The following SNX9 variants were observed in gnomAD, a reference collection of about 807,000 sequenced individuals.
SNX9 encodes the protein sorting nexin-9.
A neutral mutation model predicts 89.4 loss-of-function variants in SNX9; 44 were observed. The ratio of observed to expected loss-of-function variants is 0.49; its 90% CI spans 0.39 to 0.63. The LOEUF is 0.63. Ranked by LOEUF, SNX9 falls within the 30% of genes least tolerant of loss-of-function variation. The pLI, the probability that SNX9 is intolerant of heterozygous loss-of-function variation, is 0.00. For missense variants in SNX9, 578 were observed against 736.1 expected, an observed-to-expected ratio of 0.79 and a Z score of 2.49; for synonymous variants, 236 against 247.8, an observed-to-expected ratio of 0.95 and a Z score of 0.45.
intron 1 of SNX9, among the ~76,000 whole-genome samples, chr6:157,838,051 C>T (rs1375137455): frequency 6.6e-6 from 1 of 152,136 alleles, no homozygotes; most frequent in African/African-American, 2.4e-5. Context: ...GACAGAACCT[C>T]ACCCTGTTGC....
intron 10 of SNX9, among the ~76,000 whole-genome samples, chr6:157,926,780 CAAAAAAAAAAA>C (rs71027371): frequency 4.9e-5 from 3 of 60,710 alleles, no homozygotes; most frequent in East Asian, 5.3e-4. Flanking sequence ...GACTCTGTCT[CAAAAAAAAAAA>C]AAAAAAAAAA....
At chr6:157,935,288 T>G (rs550678930) in intron 13 of SNX9, among the ~76,000 whole-genome samples, 5 of 152,236 alleles carry the variant, frequency 3.3e-5, no homozygotes, top group Admixed American at 2.6e-4. Flanking sequence ...CATACTAAAA[T>G]AAAAGATCCA....
intron 4 of SNX9, among the ~76,000 whole-genome samples, chr6:157,877,798 T>TC (rs1437829772): frequency 6.6e-6 from 1 of 152,060 alleles, no homozygotes; most frequent in African/African-American, 2.4e-5. Flanking sequence ...CTCTGCCAAC[T>TC]TCTGAGCCAG....
At chr6:157,891,124 C>A (rs936287438) in intron 4 of SNX9, among the ~76,000 whole-genome samples, 4 of 150,168 alleles carry the variant, frequency 2.7e-5, no homozygotes, top group African/African-American at 4.9e-5. Context: ...CTCCGCCTTC[C>A]AGGTTCAAGC....
At chr6:157,911,277 G>T (rs1291060743) in intron 9 of SNX9, among the ~76,000 whole-genome samples, 1 of 152,154 alleles carries the variant, frequency 6.6e-6, no homozygotes, top group Admixed American at 6.5e-5. Flanking sequence ...AGCCAGAGAG[G>T]CCTGTAAGAG....
intron 1 of SNX9, among the ~76,000 whole-genome samples, chr6:157,840,592 T>C (rs962453733): frequency 2.0e-5 from 3 of 152,110 alleles, no homozygotes; most frequent in East Asian, 1.9e-4. Flanking sequence ...TGATACTGGA[T>C]TTAAGCCTTA....
chr6:157,887,459 C>G (rs1782758850), intron 4 of SNX9, among the ~76,000 whole-genome samples: 1 of 152,190 alleles, frequency 6.6e-6, no homozygotes, highest in African/African-American at 2.4e-5. Context: ...AGAGCTCTCT[C>G]TCTGCGTCTC....
At chr6:157,866,918 CTGT>C (rs1010338640) in intron 1 of SNX9, among the ~76,000 whole-genome samples, 3 of 152,020 alleles carry the variant, frequency 2.0e-5, no homozygotes, top group South Asian at 4.2e-4. Context: ...AGAAGATAGT[CTGT>C]TGTTGTTGTT....
Position 157,875,194 on chromosome 6 carries a change from C to T in SNX9, c.300+18C>T, listed in dbSNP as rs1279557454. ...ATCACCAGGTACGTCTCACTTCCTCCTTCTGGATGTGGCTGGCTTTACGGA... is the reference window on the plus strand; with the variant it reads ...ATCACCAGGTACGTCTCACTTCCTCTTTCTGGATGTGGCTGGCTTTACGGA... On this transcript the variant is annotated intron_variant, in intron 4 of 17. Coordinates refer to ENST00000392185, the MANE Select transcript of SNX9 (RefSeq NM_016224.5). The T allele has an allele frequency of 1.1e-5, 18 of 1,597,758 alleles. No homozygotes were observed. Among genetic ancestry groups the T allele is most frequent in the Non-Finnish European group, 1.5e-5 (18 of 1,170,408 alleles).
intron 1 of SNX9, among the ~76,000 whole-genome samples, chr6:157,850,756 C>T (rs990341483): frequency 6.6e-6 from 1 of 152,146 alleles, no homozygotes; most frequent in Non-Finnish European, 1.5e-5. Context: ...CCTGAAGGCT[C>T]CTGGCAGGTC....
At chr6:157,912,067 C>T (rs1456516200) in intron 9 of SNX9, among the ~76,000 whole-genome samples, 1 of 152,182 alleles carries the variant, frequency 6.6e-6, no homozygotes, top group East Asian at 1.9e-4. Context: ...AGTTCAGACA[C>T]TCCCTGTACC....
chr6:157,837,728 G>A (rs1781613674), intron 1 of SNX9, among the ~76,000 whole-genome samples: 1 of 152,170 alleles, frequency 6.6e-6, no homozygotes, highest in Admixed American at 6.5e-5. Context: ...TGAAGGCATG[G>A]GCATGCTGTC....
intron 9 of SNX9, among the ~76,000 whole-genome samples, chr6:157,916,057 C>T (rs561604852): frequency 6.6e-4 from 99 of 149,672 alleles, no homozygotes; most frequent in African/African-American, 2.1e-3. Flanking sequence ...TTGTTTGAGA[C>T]GGAGTCTCGC....
chr6:157,900,434 A>G (rs1292249377), intron 5 of SNX9, among the ~76,000 whole-genome samples: 1 of 152,184 alleles, frequency 6.6e-6, no homozygotes, highest in African/African-American at 2.4e-5. Flanking sequence ...AGCAGCCCGC[A>G]ATGCAACGGG....
At chr6:157,859,597 G>A (rs1206587260) in intron 1 of SNX9, among the ~76,000 whole-genome samples, 5 of 152,160 alleles carry the variant, frequency 3.3e-5, no homozygotes, top group African/African-American at 4.8e-5. Context: ...TGTTACTTTC[G>A]TATATAATAC....
rs1252341651 is a variant in SNX9, at chr6:157,834,149, GGTT to G, written c.12+10704_12+10706del. ...GATCCTGCCATGTGGTGTCCACTGTGGTTTTTTTTTTTTTTTTTTTTTTTTTTT... is the reference window on the plus strand; with the variant it reads ...GATCCTGCCATGTGGTGTCCACTGTGTTTTTTTTTTTTTTTTTTTTTTTTT... On this transcript the variant is annotated intron_variant, in intron 1 of 17. Coordinates refer to ENST00000392185, the MANE Select transcript of SNX9 (RefSeq NM_016224.5). Among the ~76,000 whole-genome samples the G allele has an allele frequency of 4.2e-3, 252 of 60,066 alleles. 15 individuals carry two copies. Among genetic ancestry groups the G allele is most frequent in the African/African-American group, 0.015 (231 of 15,082 alleles). The allele number at this position is 60,066 out of a possible 152,430, so 39.4% of individuals were successfully genotyped here.
At chr6:157,877,335 A>G (rs1235543953) in intron 4 of SNX9, among the ~76,000 whole-genome samples, 1 of 152,230 alleles carries the variant, frequency 6.6e-6, no homozygotes, top group Non-Finnish European at 1.5e-5. Context: ...GAAAGCAAAG[A>G]AAAATGAACT....
At chr6:157,845,197 CT>C (rs1244529901) in intron 1 of SNX9, among the ~76,000 whole-genome samples, 2 of 151,786 alleles carry the variant, frequency 1.3e-5, no homozygotes, top group Non-Finnish European at 2.9e-5. Flanking sequence ...CAACCTCCAC[CT>C]CCTGGGTAGA....
At position 157,921,643 on chromosome 6, in the gene SNX9, A is replaced by T; in HGVS notation, c.1062A>T (p.Leu354=). 6.2e-7 allele frequency: 1 copy of T among 1,614,098 alleles called. No homozygotes were observed. The highest frequency in any genetic ancestry group is 8.5e-7 in the Non-Finnish European group (1 of 1,179,940). ...AAAGTGAAGTTTTCCAGCAGTTCCT[A>T]AATTTCCGAGATGAGAAGGTAGGAC... is the stretch of plus-strand genomic sequence containing the variant. ...ISESEVFQQF[L]NFRDEKEWKT... is the part of the protein sequence containing the mutation. Residue 354 remains leucine (L), a synonymous_variant, in exon 10 of 18, where the codon CTA becomes CTT. Transcript: ENST00000392185.
Sources: allele counts gnomAD v4.1 joint callset (sites outside exome capture counted in the v4.1 genomes callset), GRCh38; gene constraint gnomAD v4.1.1; transcripts MANE v1.5; gene names NCBI Gene and HGNC (gene_info 2026-07-23, HGNC 2026-07-21).